FAM178B: variants seen among roughly 807,000 people sequenced by gnomAD.
The protein encoded by FAM178B is protein FAM178B.
A neutral mutation model predicts 91.7 loss-of-function variants in FAM178B; 82 were observed. The observed-to-expected ratio is 0.89, with a 90% CI of 0.75 to 1.07. The LOEUF is 1.07. Among genes scored for constraint, FAM178B ranks in the 50% least tolerant of loss-of-function variants. The pLI, the probability that FAM178B is intolerant of heterozygous loss-of-function variation, is 0.00. For missense variants in FAM178B, 769 were observed against 846.7 expected (o/e 0.91, Z 1.14); for synonymous variants, 368 against 359.4 (o/e 1.02, Z -0.27).
intron 8 of FAM178B, among the ~76,000 whole-genome samples, chr2:96,934,782 C>A (rs1553503700): frequency 6.6e-6 from 1 of 152,116 alleles, no homozygotes; most frequent in African/African-American, 2.4e-5. Flanking sequence ...CTTTTTGTTT[C>A]TTCTCTACCC....
intron 14 of FAM178B, among the ~76,000 whole-genome samples, chr2:96,883,489 G>A (rs771356670): frequency 2.6e-5 from 4 of 152,142 alleles, no homozygotes; most frequent in Non-Finnish European, 5.9e-5. Flanking sequence ...TCTTAACCCC[G>A]GGCAAGTCTT....
chr2:96,934,176 C>T (rs1036880882), intron 8 of FAM178B, among the ~76,000 whole-genome samples: 1 of 152,162 alleles, frequency 6.6e-6, no homozygotes, highest in Non-Finnish European at 1.5e-5. Context: ...GGACACACAA[C>T]GCACACATGA....
intron 13 of FAM178B, 40 bp from the exon 14 acceptor site, chr2:96,894,091 T>C: frequency 6.4e-7 from 1 of 1,572,488 alleles, no homozygotes; most frequent in Non-Finnish European, 8.6e-7. Flanking sequence ...CAGAGGGTGG[T>C]GGCCAAGAGC....
rs180971449 is a variant in FAM178B at position 96,977,690 on chromosome 2, G to A, written c.74-5084C>T. 7 of 378,794 alleles carry A rather than the reference G, an allele frequency of 1.8e-5. No individual in the cohort carries two copies. In the East Asian group the frequency reaches 2.2e-4, roughly 12 times the overall value. 23.5% of individuals were successfully genotyped at this position (378,794 alleles called of 1,614,324 possible). A position where few individuals can be genotyped will look rare whatever the true frequency, so the allele number is the denominator to read the frequency against. On this transcript the variant is annotated intron_variant, in intron 1 of 16. Transcript: ENST00000490605. ...GAATTCCATACAGCAAAGGCTGCAC[G>A]CAATGGGGGAGGGGGAAGGAGGGAA...
At chr2:96,928,162 G>A (rs576204643) in intron 9 of FAM178B, among the ~76,000 whole-genome samples, 11 of 152,268 alleles carry the variant, frequency 7.2e-5, no homozygotes, top group Non-Finnish European at 1.5e-4. Context: ...CCGCCGAGGC[G>A]AGGGAAGGGG....
intron 9 of FAM178B, among the ~76,000 whole-genome samples, chr2:96,926,515 A>T (rs2081441633): frequency 6.6e-6 from 1 of 152,180 alleles, no homozygotes; most frequent in Non-Finnish European, 1.5e-5. Flanking sequence ...GGCAAGTCCC[A>T]TTCTGTGTTG....
At chr2:96,958,549 G>A (rs932208587) in intron 6 of FAM178B, among the ~76,000 whole-genome samples, 1 of 151,592 alleles carries the variant, frequency 6.6e-6, no homozygotes, top group South Asian at 2.1e-4. Context: ...AATTAACCTA[G>A]AGCGGTGGCA....
rs1248603983 is a variant in FAM178B, at chr2:96,888,534, A to C, written c.1776+5392T>G. 3.3e-5 allele frequency among the ~76,000 whole-genome samples: 5 copies of C among 152,374 alleles called. No individual in the cohort carries two copies. The South Asian group carries it at 1.0e-3, about 32-fold the overall frequency. On this transcript the variant is annotated intron_variant, in intron 14 of 16. Transcript: ENST00000490605. ...GGGCAGAGGCAAGCACACAGCTGCC[A>C]GAGGGCAGCGGCCCCCTCCCTGCCT...
At chr2:96,973,279 C>T (rs994725570) in intron 1 of FAM178B, among the ~76,000 whole-genome samples, 2 of 151,738 alleles carry the variant, frequency 1.3e-5, no homozygotes, top group Non-Finnish European at 2.9e-5. Context: ...GAGATGACGC[C>T]CCACCCATCT....
intron 8 of FAM178B, 79 bp downstream of exon 8, chr2:96,947,739 G>T: frequency 1.3e-6 from 1 of 792,718 alleles, no homozygotes; most frequent in Non-Finnish European, 2.1e-6. Context: ...CCTGCAGCTG[G>T]GCTCTGGGCA....
intron 13 of FAM178B, among the ~76,000 whole-genome samples, chr2:96,896,157 G>T (rs1266585617): frequency 2.6e-5 from 4 of 152,240 alleles, no homozygotes; most frequent in Admixed American, 2.0e-4. Flanking sequence ...TGGCCTTTGG[G>T]CAGGCCTCGC....
chr2:96,905,832 A>ATGTATATATACG (rs1559063948), intron 12 of FAM178B, among the ~76,000 whole-genome samples: 6 of 25,838 alleles, frequency 2.3e-4, no homozygotes, highest in South Asian at 9.4e-4. Context: ...ATATATATAT[A>ATGTATATATACG]TATATATATA....
chr2:96,894,085 G>A (rs1019386453), intron 13 of FAM178B, 34 bp from the exon 14 acceptor site: 12 of 1,578,686 alleles, frequency 7.6e-6, no homozygotes, highest in African/African-American at 4.1e-5. Context: ...CACTCACAGA[G>A]GGTGGTGGCC....
intron 3 of FAM178B, among the ~76,000 whole-genome samples, chr2:96,971,277 C>G (rs1171052050): frequency 6.9e-6 from 1 of 145,754 alleles, no homozygotes; most frequent in Non-Finnish European, 1.5e-5. Flanking sequence ...CCTTCTCCCC[C>G]TCCTTCCCTC....
Position 96,877,943 on chromosome 2 carries a change from C to G in FAM178B, c.1954G>C (p.Ala652Pro), listed in dbSNP as rs1200263028. The G allele has an allele frequency of 2.5e-6, 4 of 1,613,870 alleles. No homozygotes were observed. Among genetic ancestry groups the G allele is most frequent in the Non-Finnish European group, 3.4e-6 (4 of 1,180,028 alleles). The change falls in exon 16 of 17, where the codon GCT becomes CCT. Residue 652 changes from alanine (A) to proline (P), a missense_variant. Physicochemically the swap from Ala to Pro is conservative, Grantham distance 27 (BLOSUM62 -1). Coordinates refer to ENST00000490605, the MANE Select transcript of FAM178B (RefSeq NM_001122646.3). ...AMHRTMLKDL[A>P]TQTYIRWQEL... Reference sequence around the variant, plus strand: ...TGCCAACGGATGTAGGTCTGGGTAGCCAGGTCCTTGAGCATGGTGCGGTGC... The same window carrying G: ...TGCCAACGGATGTAGGTCTGGGTAGGCAGGTCCTTGAGCATGGTGCGGTGC...
intron 9 of FAM178B, among the ~76,000 whole-genome samples, 176 bp from the exon 10 acceptor site, chr2:96,923,759 T>A (rs1299045511): frequency 1.3e-5 from 2 of 152,206 alleles, no homozygotes; most frequent in Non-Finnish European, 2.9e-5. Flanking sequence ...GGCAGCTCTG[T>A]TGGGTGGTCC....
intron 14 of FAM178B, among the ~76,000 whole-genome samples, chr2:96,890,044 G>C (rs1298277255): frequency 6.6e-6 from 1 of 151,790 alleles, no homozygotes; most frequent in African/African-American, 2.4e-5. Flanking sequence ...GGGAGGCCGA[G>C]GTGGGCAGAT....
chr2:96,933,735 A>G (rs1379078272), intron 8 of FAM178B, among the ~76,000 whole-genome samples: 1 of 152,150 alleles, frequency 6.6e-6, no homozygotes, highest in African/African-American at 2.4e-5. Context: ...GCCAAGCAGC[A>G]CCATCTGCCT....
intron 6 of FAM178B, among the ~76,000 whole-genome samples, chr2:96,956,000 G>T (rs191487939): frequency 5.9e-5 from 9 of 152,266 alleles, no homozygotes; most frequent in Admixed American, 1.3e-4. Context: ...CCCATGCATC[G>T]GGCTTGTGGA....
Sources: allele counts gnomAD v4.1 joint callset (sites outside exome capture counted in the v4.1 genomes callset), GRCh38; gene constraint gnomAD v4.1.1; transcripts MANE v1.5; gene names NCBI Gene and HGNC (gene_info 2026-07-23, HGNC 2026-07-21).